Variants in BMP6 observed in about 807,000 individuals in gnomAD.
BMP6 encodes the protein VG-1-R.
In BMP6, 17 loss-of-function variants were observed where a neutral mutation model predicts 54.1. The ratio of observed to expected loss-of-function variants is 0.31; its 90% CI spans 0.22 to 0.47. BMP6 has a LOEUF of 0.47. BMP6 is among the 20% of genes least tolerant of loss of function. The pLI is 1.00. For missense variants in BMP6, 720 were observed against 690.4 expected (o/e 1.04, Z -0.48); for synonymous variants, 328 against 291.2 (o/e 1.13, Z -1.28).
At chr6:7,828,061 T>G (rs1161034186) in intron 1 of BMP6, among the ~76,000 whole-genome samples, 2 of 152,244 alleles carry the variant, frequency 1.3e-5, no homozygotes, top group Non-Finnish European at 2.9e-5. Flanking sequence ...GTTTTCTGTT[T>G]TTGTTTTGTT....
At chr6:7,737,342 C>G (rs1761970386) in intron 1 of BMP6, among the ~76,000 whole-genome samples, 1 of 152,050 alleles carries the variant, frequency 6.6e-6, no homozygotes, top group African/African-American at 2.4e-5. Context: ...TATCCATGGG[C>G]AGGACTAAGG....
chr6:7,763,022 C>T (rs1399710907), intron 1 of BMP6, among the ~76,000 whole-genome samples: 1 of 152,394 alleles, frequency 6.6e-6, no homozygotes, highest in East Asian at 1.9e-4. Flanking sequence ...AGCTCTCCAC[C>T]TGACCTGTAA....
intron 1 of BMP6, among the ~76,000 whole-genome samples, chr6:7,760,594 A>G (rs965113517): frequency 6.6e-6 from 1 of 152,028 alleles, no homozygotes; most frequent in African/African-American, 2.4e-5. Flanking sequence ...CAGCCTCCCA[A>G]GTAGCTGGGA....
intron 1 of BMP6, among the ~76,000 whole-genome samples, chr6:7,774,167 C>T (rs270384): frequency 7.2e-5 from 11 of 152,152 alleles, no homozygotes; most frequent in East Asian, 1.9e-4. Flanking sequence ...ACTCAATCCA[C>T]GGCAGGGTTT....
At chr6:7,781,689 G>A (rs1450268476) in intron 1 of BMP6, among the ~76,000 whole-genome samples, 1 of 151,568 alleles carries the variant, frequency 6.6e-6, no homozygotes, top group Non-Finnish European at 1.5e-5. Context: ...TATCAATCAA[G>A]TGATCATAGT....
intron 4 of BMP6, among the ~76,000 whole-genome samples, chr6:7,864,356 A>G (rs1122669): frequency 0.051 from 7,750 of 152,288 alleles, 404 homozygotes; most frequent in African/African-American, 0.14. Context: ...GGGATGATGA[A>G]TGCCTTGCAG....
intron 1 of BMP6, among the ~76,000 whole-genome samples, chr6:7,821,458 G>A (rs1014571013): frequency 2.0e-5 from 3 of 152,160 alleles, no homozygotes; most frequent in African/African-American, 4.8e-5. Flanking sequence ...GCTGAGGCAG[G>A]AGGATCACTT....
chr6:7,806,344 C>T (rs115070179), intron 1 of BMP6, among the ~76,000 whole-genome samples: 2,385 of 152,292 alleles, frequency 0.016, 81 homozygotes, highest in African/African-American at 0.054. Flanking sequence ...TTCCCTGTGT[C>T]CCATTTTTAG....
At chr6:7,837,208 A>G (rs558294994) in intron 1 of BMP6, among the ~76,000 whole-genome samples, 2 of 151,920 alleles carry the variant, frequency 1.3e-5, no homozygotes, top group Non-Finnish European at 2.9e-5. Flanking sequence ...TCCCCTTTTT[A>G]TTTTATCTTT....
intron 4 of BMP6, among the ~76,000 whole-genome samples, chr6:7,874,151 G>A (rs1759570683): frequency 6.6e-6 from 1 of 152,174 alleles, no homozygotes; most frequent in South Asian, 2.1e-4. Flanking sequence ...GTAGGGGGCA[G>A]GTGGTTAGGA....
chr6:7,810,846 G>A (rs1172337228), intron 1 of BMP6, among the ~76,000 whole-genome samples: 1 of 152,148 alleles, frequency 6.6e-6, no homozygotes, highest in Non-Finnish European at 1.5e-5. Context: ...CTGATTCTTG[G>A]CGATGGGGTC....
rs1757326111 is a variant in BMP6 at position 7,745,061 on chromosome 6, GGTCA to G, written c.664+17446_664+17449del. 2.6e-5 allele frequency among the ~76,000 whole-genome samples: 4 copies of G among 152,118 alleles called. No individual in the cohort carries two copies. In the South Asian group the frequency reaches 8.3e-4, roughly 32 times the overall value. On this transcript the variant is annotated intron_variant, in intron 1 of 6. Coordinates refer to ENST00000283147, the MANE Select transcript of BMP6 (RefSeq NM_001718.6). ...AGTTTATGTTTCTAATCTGTGGGAGGGTCAGTCCAATAGGATCGTATTGGCCATT... is the reference window on the plus strand; with the variant it reads ...AGTTTATGTTTCTAATCTGTGGGAGGGTCCAATAGGATCGTATTGGCCATT...
At chr6:7,769,747 A>G (rs1162396143) in intron 1 of BMP6, among the ~76,000 whole-genome samples, 1 of 152,184 alleles carries the variant, frequency 6.6e-6, no homozygotes, top group African/African-American at 2.4e-5. Flanking sequence ...ACGACAATCT[A>G]TGATGTAAAG....
At chr6:7,763,616 G>A (rs1015718680) in intron 1 of BMP6, among the ~76,000 whole-genome samples, 2 of 152,116 alleles carry the variant, frequency 1.3e-5, no homozygotes, top group African/African-American at 4.8e-5. Flanking sequence ...TGACATTCGG[G>A]TTTGTCCTAT....
At chr6:7,781,070 A>G (rs1242629474) in intron 1 of BMP6, among the ~76,000 whole-genome samples, 1 of 152,160 alleles carries the variant, frequency 6.6e-6, no homozygotes, top group East Asian at 1.9e-4. Flanking sequence ...AGTACAGTGC[A>G]TCGTGTTGCT....
chr6:7,763,380 G>A (rs1757642127), intron 1 of BMP6, among the ~76,000 whole-genome samples: 1 of 152,098 alleles, frequency 6.6e-6, no homozygotes. Flanking sequence ...TTGTGGGGAG[G>A]CACTCTTATG....
chr6:7,792,237 A>T (rs571790325), intron 1 of BMP6, among the ~76,000 whole-genome samples: 1 of 152,182 alleles, frequency 6.6e-6, no homozygotes, highest in Non-Finnish European at 1.5e-5. Flanking sequence ...TAACACCCAC[A>T]TTATCAAGGG....
intron 1 of BMP6, among the ~76,000 whole-genome samples, chr6:7,795,093 T>G (rs1758173224): frequency 6.6e-6 from 1 of 152,166 alleles, no homozygotes; most frequent in Non-Finnish European, 1.5e-5. Context: ...ATGTTGAACA[T>G]CTCTTTGCCA....
intron 1 of BMP6, among the ~76,000 whole-genome samples, chr6:7,796,786 T>C (rs1181633427): frequency 6.6e-6 from 1 of 152,260 alleles, no homozygotes; most frequent in Non-Finnish European, 1.5e-5. Flanking sequence ...AGTGACTTTT[T>C]TTAAACAAAA....
Sources: gnomAD v4.1 joint callset for allele counts (sites outside exome capture counted in the v4.1 genomes callset) on GRCh38, gnomAD v4.1.1 for gene constraint, MANE v1.5 for transcripts, NCBI Gene and HGNC (gene_info 2026-07-23, HGNC 2026-07-21) for gene names.